CENPP: variants seen among roughly 807,000 people sequenced by gnomAD.
CENPP encodes centromere protein P.
In CENPP, 24 loss-of-function variants were observed where a neutral mutation model predicts 35.6. That is an observed-to-expected ratio of 0.67 (90% CI 0.49 to 0.95). CENPP has a LOEUF of 0.95. Among genes scored for constraint, CENPP ranks in the 40% least tolerant of loss-of-function variants. The pLI, the probability that CENPP is intolerant of heterozygous loss-of-function variation, is 0.00. For synonymous variants in CENPP, 120 were observed against 125.5 expected, an observed-to-expected ratio of 0.96 and a Z score of 0.29; for missense variants, 332 against 345.3, an observed-to-expected ratio of 0.96 and a Z score of 0.31.
intron 5 of CENPP, among the ~76,000 whole-genome samples, chr9:92,471,479 GCC>G (rs1845513471): frequency 3.9e-5 from 6 of 152,004 alleles, no homozygotes; most frequent in African/African-American, 1.4e-4. Flanking sequence ...ACAGTCGTGA[GCC>G]ACCGCACCCA....
intron 4 of CENPP, among the ~76,000 whole-genome samples, chr9:92,376,249 G>C (rs561787422): frequency 7.9e-5 from 12 of 152,248 alleles, no homozygotes; most frequent in African/African-American, 2.9e-4. Flanking sequence ...TCTTTCCTTG[G>C]CTTTCAGCAT....
At chr9:92,457,371 C>T (rs1233815761) in intron 5 of CENPP, 1 of 1,613,916 alleles carries the variant, frequency 6.2e-7, no homozygotes, top group South Asian at 1.1e-5. Flanking sequence ...CAGTATTTCA[C>T]CGGGTTGTTG....
intron 5 of CENPP, among the ~76,000 whole-genome samples, chr9:92,468,380 TTC>T (rs1376648762): frequency 6.6e-6 from 1 of 152,158 alleles, no homozygotes; most frequent in African/African-American, 2.4e-5. Flanking sequence ...GAGCTTCCAA[TTC>T]ATCATTAACA....
At chr9:92,463,393 T>C (rs868489104) in intron 5 of CENPP, among the ~76,000 whole-genome samples, 2 of 152,378 alleles carry the variant, frequency 1.3e-5, no homozygotes, top group African/African-American at 4.8e-5. Flanking sequence ...TTGAGAGATT[T>C]GATTCCAATT....
intron 5 of CENPP, among the ~76,000 whole-genome samples, chr9:92,531,268 C>T (rs1848731742): frequency 6.6e-6 from 1 of 151,862 alleles, no homozygotes; most frequent in Non-Finnish European, 1.5e-5. Flanking sequence ...ACACTTTTTA[C>T]CATTCTTTTC....
chr9:92,514,212 T>G (rs1048856472), intron 5 of CENPP, among the ~76,000 whole-genome samples: 6 of 148,966 alleles, frequency 4.0e-5, no homozygotes, highest in Admixed American at 1.3e-4. Flanking sequence ...TTCCCCCACC[T>G]CAGCCTCCTG....
intron 5 of CENPP, among the ~76,000 whole-genome samples, chr9:92,553,940 A>C (rs1264217656): frequency 6.6e-6 from 1 of 152,142 alleles, no homozygotes; most frequent in Non-Finnish European, 1.5e-5. Context: ...TAGGACTTCC[A>C]GTACTGTGTT....
chr9:92,357,192 C>A (rs756095495), intron 4 of CENPP, among the ~76,000 whole-genome samples: 1 of 149,698 alleles, frequency 6.7e-6, no homozygotes, highest in African/African-American at 2.4e-5. Context: ...TTTATTGAGT[C>A]TTTTTTTTTG....
At chr9:92,565,292 C>A (rs1237919707) in intron 5 of CENPP, among the ~76,000 whole-genome samples, 1 of 20,760 alleles carries the variant, frequency 4.8e-5, no homozygotes, top group Non-Finnish European at 6.6e-5. Context: ...AGCTGATGAG[C>A]TAAAAAAAAA....
intron 5 of CENPP, among the ~76,000 whole-genome samples, chr9:92,431,914 T>G (rs1844119392): frequency 6.6e-6 from 1 of 152,224 alleles, no homozygotes; most frequent in Admixed American, 6.5e-5. Flanking sequence ...AAATTGATTT[T>G]TACAAGTTCA....
intron 5 of CENPP, among the ~76,000 whole-genome samples, chr9:92,387,173 G>C (rs975120283): frequency 3.3e-5 from 5 of 151,724 alleles, no homozygotes; most frequent in African/African-American, 1.2e-4. Flanking sequence ...AGGAGTTCGA[G>C]ACCAGCCTGG....
At chr9:92,359,715 C>T (rs893854658) in intron 4 of CENPP, among the ~76,000 whole-genome samples, 13 of 151,976 alleles carry the variant, frequency 8.6e-5, no homozygotes, top group Non-Finnish European at 1.8e-4. Flanking sequence ...GGCTGCCTGA[C>T]TCTTTGTCTA....
At chr9:92,580,869 T>C (rs10992378) in intron 5 of CENPP, among the ~76,000 whole-genome samples, 27 of 152,196 alleles carry the variant, frequency 1.8e-4, no homozygotes, top group Non-Finnish European at 3.4e-4. Flanking sequence ...GCTCTTGCTT[T>C]TCTAGTTCTT....
intron 5 of CENPP, among the ~76,000 whole-genome samples, chr9:92,421,923 T>C (rs1344070518): frequency 6.6e-6 from 1 of 152,154 alleles, no homozygotes; most frequent in Non-Finnish European, 1.5e-5. Context: ...TTTGTAGACA[T>C]CATTTGACCC....
chr9:92,538,426 T>C (rs1382974274), intron 5 of CENPP, among the ~76,000 whole-genome samples: 1 of 152,268 alleles, frequency 6.6e-6, no homozygotes, highest in East Asian at 1.9e-4. Context: ...AGACTTTTAC[T>C]ATGTTCTTTT....
At chr9:92,425,792 G>A (rs1006241041) in intron 5 of CENPP, among the ~76,000 whole-genome samples, 3 of 152,196 alleles carry the variant, frequency 2.0e-5, no homozygotes, top group African/African-American at 7.2e-5. Flanking sequence ...ATTCCATCTT[G>A]TTACTGATCT....
At chr9:92,578,593 G>C (rs1169563977) in intron 5 of CENPP, among the ~76,000 whole-genome samples, 5 of 152,130 alleles carry the variant, frequency 3.3e-5, no homozygotes, top group Non-Finnish European at 7.4e-5. Context: ...CTGCATAAAT[G>C]TCTTCTTTTG....
intron 4 of CENPP, among the ~76,000 whole-genome samples, chr9:92,348,041 A>G (rs1479560242): frequency 6.6e-6 from 1 of 151,850 alleles, no homozygotes; most frequent in Admixed American, 6.6e-5. Context: ...CTCCTGCCTC[A>G]GCCTCCTGAG....
chr9:92,474,742 C>CTCATCATCATCATCATCATCATCATCA (rs3078372), intron 5 of CENPP: 3 of 1,534,634 alleles, frequency 2.0e-6, no homozygotes, highest in Non-Finnish European at 2.7e-6. Context: ...GAGAGTTGTC[C>CTCATCATCATCATCATCATCATCATCA]TCATCATCAT....
Sources: gnomAD v4.1 joint callset for allele counts (sites outside exome capture counted in the v4.1 genomes callset) on GRCh38, gnomAD v4.1.1 for gene constraint, MANE v1.5 for transcripts, NCBI Gene and HGNC (gene_info 2026-07-23, HGNC 2026-07-21) for gene names.